Variants in CNTNAP5 observed in about 807,000 individuals in gnomAD.
The protein encoded by CNTNAP5 is contactin associated protein family member 5.
In CNTNAP5, 72 loss-of-function variants were observed where a neutral mutation model predicts 150.2. The ratio of observed to expected loss-of-function variants is 0.48; its 90% confidence interval spans 0.40 to 0.58. CNTNAP5 has a LOEUF of 0.58. Ranked by LOEUF, CNTNAP5 falls within the 20% of genes least tolerant of loss-of-function variation. The probability of loss-of-function intolerance (pLI) is 0.00; values close to 1 mark genes in which losing one functional copy is unlikely to be tolerated. For missense variants in CNTNAP5, 1,636 were observed against 1,626.2 expected, an observed-to-expected ratio of 1.01 and a Z score of -0.10; for synonymous variants, 672 against 619.8, an observed-to-expected ratio of 1.08 and a Z score of -1.25.
chr2:124,303,004 C>T (rs1264558460), intron 3 of CNTNAP5, among the ~76,000 whole-genome samples: 1 of 152,084 alleles, frequency 6.6e-6, no homozygotes, highest in Non-Finnish European at 1.5e-5. Flanking sequence ...TTGCTCTTTG[C>T]CTACATAAAG....
At chr2:124,694,090 C>T (rs931798316) in intron 13 of CNTNAP5, among the ~76,000 whole-genome samples, 5 of 152,162 alleles carry the variant, frequency 3.3e-5, no homozygotes, top group African/African-American at 1.2e-4. Flanking sequence ...TGAGTTGGCA[C>T]AGCTCCATGA....
chr2:124,313,781 C>A (rs534512437), intron 3 of CNTNAP5, among the ~76,000 whole-genome samples: 1 of 152,232 alleles, frequency 6.6e-6, no homozygotes, highest in South Asian at 2.1e-4. Context: ...TCCAATAAAA[C>A]CACAGGGCAG....
chr2:124,227,555 A>G (rs1304168454), intron 2 of CNTNAP5, among the ~76,000 whole-genome samples: 1 of 152,132 alleles, frequency 6.6e-6, no homozygotes, highest in African/African-American at 2.4e-5. Flanking sequence ...GTCAAAGTAT[A>G]ATTTTCAATA....
intron 13 of CNTNAP5, among the ~76,000 whole-genome samples, chr2:124,704,646 A>C (rs7599069): frequency 0.34 from 52,133 of 152,042 alleles, 9,463 homozygotes; most frequent in Non-Finnish European, 0.42. Flanking sequence ...TATGTATAAA[A>C]AGAAAAAATA....
chr2:124,159,310 G>C (rs1255493198), intron 1 of CNTNAP5, among the ~76,000 whole-genome samples: 1 of 152,086 alleles, frequency 6.6e-6, no homozygotes, highest in South Asian at 2.1e-4. Flanking sequence ...TTCTGTAAAG[G>C]GCTAGATAGT....
intron 3 of CNTNAP5, among the ~76,000 whole-genome samples, chr2:124,338,666 T>G (rs1055207201): frequency 6.6e-6 from 1 of 152,114 alleles, no homozygotes; most frequent in Admixed American, 6.6e-5. Context: ...TAGAAAAAAT[T>G]TCCTCAGTCA....
At chr2:124,272,777 A>G (rs994957451) in intron 3 of CNTNAP5, among the ~76,000 whole-genome samples, 26 of 152,236 alleles carry the variant, frequency 1.7e-4, no homozygotes, top group African/African-American at 4.8e-4. Flanking sequence ...GTAAAAGTTC[A>G]TTAAATCATA....
chr2:124,561,789 T>C (rs1464641020), intron 10 of CNTNAP5, among the ~76,000 whole-genome samples: 1 of 152,182 alleles, frequency 6.6e-6, no homozygotes, highest in African/African-American at 2.4e-5. Context: ...CTTTCCTACT[T>C]ATATAGGGCA....
intron 1 of CNTNAP5, among the ~76,000 whole-genome samples, chr2:124,128,527 G>T (rs1683768779): frequency 6.6e-6 from 1 of 152,146 alleles, no homozygotes; most frequent in African/African-American, 2.4e-5. Context: ...TCTAGAACTA[G>T]AAATACCATT....
intron 13 of CNTNAP5, among the ~76,000 whole-genome samples, chr2:124,723,058 C>T (rs13427244): frequency 0.25 from 38,628 of 151,966 alleles, 5,539 homozygotes; most frequent in Non-Finnish European, 0.34. Flanking sequence ...GTGTTCTCTC[C>T]AGAACCCACT....
At chr2:124,444,173 A>C (rs4278930) in intron 5 of CNTNAP5, among the ~76,000 whole-genome samples, 149,078 of 152,140 alleles carry the variant, frequency 0.98, 73,114 homozygotes, top group East Asian at 1. Flanking sequence ...TTACTTGGAT[A>C]CCATTCTTCC....
chr2:124,194,048 C>T (rs1034780013), intron 1 of CNTNAP5, among the ~76,000 whole-genome samples: 1 of 152,082 alleles, frequency 6.6e-6, no homozygotes, highest in African/African-American at 2.4e-5. Context: ...TGTGCCTGTT[C>T]GCTGCACACA....
intron 3 of CNTNAP5, among the ~76,000 whole-genome samples, chr2:124,353,024 G>A (rs1165587612): frequency 6.6e-6 from 1 of 152,136 alleles, no homozygotes; most frequent in Admixed American, 6.5e-5. Flanking sequence ...AATTAGTTCT[G>A]GACCCTTGAC....
intron 1 of CNTNAP5, among the ~76,000 whole-genome samples, chr2:124,095,770 T>G (rs1277585170): frequency 6.6e-6 from 1 of 152,224 alleles, no homozygotes; most frequent in Non-Finnish European, 1.5e-5. Context: ...ATGCATCTTT[T>G]TTTTTCTTCT....
intron 3 of CNTNAP5, among the ~76,000 whole-genome samples, chr2:124,342,777 G>A (rs766375995): frequency 1.3e-5 from 2 of 152,102 alleles, no homozygotes; most frequent in Non-Finnish European, 2.9e-5. Flanking sequence ...GAAAAACAAA[G>A]TCTTGCTAAA....
At chr2:124,249,918 A>T (rs1178545894) in intron 3 of CNTNAP5, among the ~76,000 whole-genome samples, 2 of 151,982 alleles carry the variant, frequency 1.3e-5, no homozygotes, top group Non-Finnish European at 2.9e-5. Context: ...TTTTTAAACT[A>T]ATCCTTATTT....
chr2:124,185,025 A>G (rs1267055686), intron 1 of CNTNAP5, among the ~76,000 whole-genome samples: 1 of 152,218 alleles, frequency 6.6e-6, no homozygotes, highest in African/African-American at 2.4e-5. Context: ...ATTTCTTCCC[A>G]TACTCAGTAT....
chr2:124,403,625 C>T (rs955522437), intron 3 of CNTNAP5, among the ~76,000 whole-genome samples: 1 of 152,202 alleles, frequency 6.6e-6, no homozygotes, highest in Non-Finnish European at 1.5e-5. Context: ...GCTCCATGCA[C>T]TGTTCTAGAC....
At chr2:124,260,169 G>T (rs945181028) in intron 3 of CNTNAP5, among the ~76,000 whole-genome samples, 3 of 152,104 alleles carry the variant, frequency 2.0e-5, no homozygotes, top group Non-Finnish European at 2.9e-5. Flanking sequence ...CCAAAACAGA[G>T]ATATAGACAA....
Sources: allele counts gnomAD v4.1 joint callset (sites outside exome capture counted in the v4.1 genomes callset), GRCh38; gene constraint gnomAD v4.1.1; transcripts MANE v1.5; gene names NCBI Gene and HGNC (gene_info 2026-07-23, HGNC 2026-07-21).